Variants in EFCC1 observed in about 807,000 individuals in gnomAD.
EFCC1 encodes EF-hand and coiled-coil domain-containing protein 1.
Under a neutral mutation model 52.1 loss-of-function variants are expected in EFCC1, and 50 were observed. The observed-to-expected ratio is 0.96, with a 90% CI of 0.76 to 1.21. The LOEUF (loss-of-function observed/expected upper bound fraction) is 1.21. Among genes scored for constraint, EFCC1 ranks in the 50% most tolerant of loss-of-function variants. EFCC1 has a pLI of 0.00. For missense variants in EFCC1, 837 were observed against 867.3 expected (o/e 0.97, Z 0.44); for synonymous variants, 399 against 396.5 (o/e 1.01, Z -0.08).
Position 129,004,061 on chromosome 3 carries a change from G to T in EFCC1, c.964G>T (p.Glu322Ter). ...LQRWVRRLEA[E>*]LQRYRSEDSQ... The stretch of plus-strand genomic sequence containing the variant: ...GCGCTGGGTGCGGCGGCTGGAGGCG[G>T]AGCTGCAACGCTACAGGTGAGCGGG... Residue 322 changes from glutamate to a stop codon, truncating the protein, a stop_gained, in exon 2 of 8, where the codon GAG (glutamate) becomes TAG (stop). Transcript: ENST00000683648. LOFTEE classifies it high-confidence loss of function. 1 of 1,510,098 alleles carries T rather than the reference G, an allele frequency of 6.6e-7. No individual in the cohort carries two copies. The highest frequency in any genetic ancestry group is 8.8e-7 in the Non-Finnish European group (1 of 1,135,886). 93.5% of individuals were successfully genotyped at this position (1,510,098 alleles called of 1,614,324 possible).
In EFCC1 at chr3:129,014,476, G is replaced by A. The variant is rs547631042; in HGVS notation, c.980+10399G>A. On this transcript the variant is annotated intron_variant, in intron 2 of 7. Transcript: ENST00000683648. The surrounding 1 kb of genome is among the most constrained non-coding windows in gnomAD (Gnocchi z 4.3). ...TCCTCGCGTGGTCTTCCTTCTGTGT[G>A]TATTTCTGTCCTAATCCCCTCTTCT... is the stretch of plus-strand genomic sequence containing the variant. Among the ~76,000 whole-genome samples the A allele has an allele frequency of 6.6e-6, 1 of 152,250 alleles. No individual in the cohort carries two copies. The highest frequency in any genetic ancestry group is 1.5e-5 in the Non-Finnish European group (1 of 68,048).
chr3:129,037,807 TC>T (rs1198980013), intron 6 of EFCC1, among the ~76,000 whole-genome samples: 1 of 151,144 alleles, frequency 6.6e-6, no homozygotes, highest in African/African-American at 2.4e-5. Context: ...ATGCCTGTAA[TC>T]CCAGCACTTT....
At chr3:129,039,499 C>T (rs180717640) in intron 7 of EFCC1, among the ~76,000 whole-genome samples, 3 of 152,346 alleles carry the variant, frequency 2.0e-5, no homozygotes, top group Admixed American at 2.0e-4. Flanking sequence ...CTGAGCAGTC[C>T]CTGCCCTCAT....
chr3:129,030,305 A>G (rs1376669517), intron 2 of EFCC1: 1 of 158,672 alleles, frequency 6.3e-6, no homozygotes, highest in Non-Finnish European at 1.4e-5. Flanking sequence ...GCTAAAAGAC[A>G]TTAAGGCTTT....
At chr3:129,012,448 C>T (rs1445949632) in intron 2 of EFCC1, among the ~76,000 whole-genome samples, 1 of 152,128 alleles carries the variant, frequency 6.6e-6, no homozygotes, top group African/African-American at 2.4e-5. Flanking sequence ...TGGTTCTACT[C>T]GCTCCTGCTC....
intron 6 of EFCC1, among the ~76,000 whole-genome samples, chr3:129,037,908 A>T (rs1460047899): frequency 1.3e-5 from 2 of 151,786 alleles, no homozygotes; most frequent in African/African-American, 4.8e-5. Context: ...CAAAAAAAAA[A>T]AAAAAATTAG....
chr3:129,032,915 C>T lies in EFCC1; in HGVS notation c.1235C>T (p.Pro412Leu), dbSNP rs951359573. 18 of 1,550,780 alleles carry T rather than the reference C, an allele frequency of 1.2e-5. No individual in the cohort carries two copies. Among genetic ancestry groups the T allele is most frequent in the African/African-American group, 9.6e-5 (7 of 73,018 alleles). The stretch of plus-strand genomic sequence containing the variant: ...AGGTGGCAGGAGGAGAAGAAGACGC[C>T]GGCAGCCGAGGCCAAGACACTGCTG... ...EERWQEEKKT[P>L]AAEAKTLLAR... Residue 412 changes from proline to leucine, a missense_variant, in exon 4 of 8, where the codon CCG (proline) becomes CTG (leucine). Physicochemically the swap from Pro to Leu is moderately conservative, Grantham distance 98 (BLOSUM62 -3). Coordinates refer to ENST00000683648, the MANE Select transcript of EFCC1 (RefSeq NM_001377500.1).
intron 2 of EFCC1, among the ~76,000 whole-genome samples, chr3:129,022,049 C>G (rs1202997405): frequency 6.6e-6 from 1 of 152,188 alleles, no homozygotes; most frequent in African/African-American, 2.4e-5. Context: ...GCTCTCACAG[C>G]ACCCAGAACT....
intron 2 of EFCC1, among the ~76,000 whole-genome samples, chr3:129,025,389 G>A (rs960398379): frequency 1.1e-4 from 17 of 152,196 alleles, no homozygotes; most frequent in East Asian, 3.9e-4. Context: ...GTGTGTAAGC[G>A]AGGGAGGAAT....
intron 2 of EFCC1, among the ~76,000 whole-genome samples, chr3:129,008,900 A>G (rs1036059064): frequency 6.6e-6 from 1 of 151,618 alleles, no homozygotes; most frequent in Non-Finnish European, 1.5e-5. Flanking sequence ...CTCCACTCAC[A>G]TGACCTTGTC....
chr3:129,030,970 CAG>C, intron 3 of EFCC1, 110 bp downstream of exon 3: 1 of 1,354,176 alleles, frequency 7.4e-7, no homozygotes, highest in East Asian at 2.6e-5. Flanking sequence ...AGCCTCCAAA[CAG>C]AGCCCACTCC....
At chr3:129,030,277 G>A (rs1298756535) in intron 2 of EFCC1, among the ~76,000 whole-genome samples, 1 of 152,152 alleles carries the variant, frequency 6.6e-6, no homozygotes, top group Non-Finnish European at 1.5e-5. Flanking sequence ...GGTGGCCCTA[G>A]GGCTGATGAA....
rs1056753749 is a variant in EFCC1, at chr3:129,002,435, G to A, written c.696+111G>A. Reference sequence around the variant, plus strand: ...AGAGTCAGAGGAAGGGGAGACAGAGGGCAGCCCCACACCATCCCACTCCGC... The same window carrying A: ...AGAGTCAGAGGAAGGGGAGACAGAGAGCAGCCCCACACCATCCCACTCCGC... On this transcript the variant is annotated intron_variant, in intron 1 of 7. Transcript: ENST00000683648. 1.3e-5 allele frequency: 19 copies of A among 1,413,666 alleles called. No homozygotes were observed. The African/African-American group carries it at 1.6e-4, about 12-fold the overall frequency. 87.6% of individuals were successfully genotyped at this position (1,413,666 alleles called of 1,614,324 possible).
chr3:129,002,010 G>A lies in EFCC1; in HGVS notation c.382G>A (p.Glu128Lys), dbSNP rs1045064754. Residue 128 changes from glutamate (E) to lysine (K), a missense_variant, in exon 1 of 8, where the codon GAG becomes AAG. By Grantham distance (56) the Glu-to-Lys change is moderately conservative (BLOSUM62 1). Transcript: ENST00000683648. ...GGACGGGGACTCAGATACCGATGAAGAGGCGCGCCTGGCGCTGCGCGCCGA... is the reference window on the plus strand; with the variant it reads ...GGACGGGGACTCAGATACCGATGAAAAGGCGCGCCTGGCGCTGCGCGCCGA... ...ATDGDSDTDEEARLALRAEPP... is the reference protein window; with the variant it reads ...ATDGDSDTDEKARLALRAEPP... 25 of 1,546,124 alleles carry A rather than the reference G, an allele frequency of 1.6e-5. No individual in the cohort carries two copies. In the African/African-American group the frequency reaches 3.5e-4, roughly 21 times the overall value.
intron 2 of EFCC1, among the ~76,000 whole-genome samples, chr3:129,022,433 G>A (rs926729178): frequency 2.0e-5 from 3 of 152,210 alleles, no homozygotes; most frequent in Non-Finnish European, 4.4e-5. Flanking sequence ...ATGAAGATCT[G>A]GAGCCAGGAG....
At chr3:129,018,705 C>T (rs1426257762) in intron 2 of EFCC1, among the ~76,000 whole-genome samples, 1 of 152,212 alleles carries the variant, frequency 6.6e-6, no homozygotes, top group Non-Finnish European at 1.5e-5. Context: ...ACTCTCTCAC[C>T]TCTTGTTCCC....
Position 129,035,590 on chromosome 3 carries a change from C to T in EFCC1, c.1452+1261C>T, listed in dbSNP as rs778532252. Among the ~76,000 whole-genome samples the T allele has an allele frequency of 3.5e-4, 54 of 152,340 alleles. 1 individual carries two copies. The highest frequency in any genetic ancestry group is 5.9e-4 in the Non-Finnish European group (40 of 68,040). The stretch of plus-strand genomic sequence containing the variant: ...TATGCAAACATTCTGCTGAAATGTG[C>T]AAAAGGAAACAAAGTTGAATGTCAT... On this transcript the variant is annotated intron_variant, in intron 5 of 7. Transcript: ENST00000683648.
intron 2 of EFCC1, among the ~76,000 whole-genome samples, chr3:129,027,726 C>T (rs1195232644): frequency 6.6e-6 from 1 of 152,094 alleles, no homozygotes; most frequent in Non-Finnish European, 1.5e-5. Flanking sequence ...GGGGCCGAGG[C>T]GGGCGGATCA....
At chr3:129,031,523 C>T (rs1415373984) in intron 3 of EFCC1, among the ~76,000 whole-genome samples, 2 of 152,146 alleles carry the variant, frequency 1.3e-5, no homozygotes, top group Non-Finnish European at 2.9e-5. Flanking sequence ...GGGGTGGGGT[C>T]ATAAGCCTGG....
Sources: allele counts gnomAD v4.1 joint callset (sites outside exome capture counted in the v4.1 genomes callset), GRCh38; gene constraint gnomAD v4.1.1; non-coding constraint Gnocchi (gnomAD v3.1); transcripts MANE v1.5; gene names NCBI Gene and HGNC (gene_info 2026-07-23, HGNC 2026-07-21).